CYTIP: variants seen among roughly 807,000 people sequenced by gnomAD.
The protein encoded by CYTIP is cytohesin-interacting protein.
CYTIP carries 26 observed loss-of-function variants against 43.8 expected under a neutral mutation model. The observed-to-expected ratio is 0.59, with a 90% CI of 0.44 to 0.82. The LOEUF is 0.82. Ranked by LOEUF, CYTIP falls within the 40% of genes least tolerant of loss-of-function variation. The pLI is 0.00. For synonymous variants in CYTIP, 162 were observed against 162.9 expected, an observed-to-expected ratio of 0.99 and a Z score of 0.04; for missense variants, 426 against 443.1, an observed-to-expected ratio of 0.96 and a Z score of 0.35.
intron 5 of CYTIP, among the ~76,000 whole-genome samples, chr2:157,428,748 A>G (rs545367051): frequency 2.8e-4 from 43 of 152,256 alleles, no homozygotes; most frequent in African/African-American, 9.6e-4. Context: ...TCTAGAGCAA[A>G]AGCACCTCAT....
chr2:157,442,047 A>G (rs1361514914), intron 1 of CYTIP, among the ~76,000 whole-genome samples: 2 of 152,092 alleles, frequency 1.3e-5, no homozygotes, highest in Non-Finnish European at 2.9e-5. Context: ...CACACTTAAT[A>G]TTGTGTTGTT....
intron 3 of CYTIP, among the ~76,000 whole-genome samples, chr2:157,433,939 G>C (rs1685752676): frequency 6.6e-6 from 1 of 152,142 alleles, no homozygotes; most frequent in Non-Finnish European, 1.5e-5. Context: ...TATATACACA[G>C]ATGTATAGTC....
chr2:157,425,021 A>G (rs950675272), intron 6 of CYTIP, among the ~76,000 whole-genome samples: 1 of 152,152 alleles, frequency 6.6e-6, no homozygotes, highest in African/African-American at 2.4e-5. Context: ...TTTTCCCCAT[A>G]CCTCATAATA....
At chr2:157,430,681 A>T in intron 4 of CYTIP, 29 bp from the exon 5 acceptor site, 1 of 1,597,030 alleles carries the variant, frequency 6.3e-7, no homozygotes, top group Non-Finnish European at 8.6e-7. Flanking sequence ...AATGAGTGTT[A>T]TGTTGGTTAG....
intron 5 of CYTIP, among the ~76,000 whole-genome samples, chr2:157,430,271 A>G (rs1051118782): frequency 2.6e-5 from 4 of 152,186 alleles, no homozygotes; most frequent in Admixed American, 2.6e-4. Flanking sequence ...AATGTGTGCC[A>G]GTTTAATTGA....
At chr2:157,430,227 T>C (rs921059800) in intron 5 of CYTIP, among the ~76,000 whole-genome samples, 14 of 152,100 alleles carry the variant, frequency 9.2e-5, no homozygotes, top group Non-Finnish European at 1.9e-4. Context: ...ATATCAACCA[T>C]GAAAATTGGA....
intron 7 of CYTIP, among the ~76,000 whole-genome samples, chr2:157,416,529 G>A (rs942043681): frequency 2.0e-5 from 3 of 152,076 alleles, no homozygotes; most frequent in East Asian, 3.9e-4. Context: ...CAGAAATGGG[G>A]TTCCATAGAA....
At chr2:157,436,062 C>G (rs964162666) in intron 1 of CYTIP, among the ~76,000 whole-genome samples, 1 of 152,168 alleles carries the variant, frequency 6.6e-6, no homozygotes, top group East Asian at 1.9e-4. Context: ...CTCTTCTTAC[C>G]AATTTGCTGT....
chr2:157,418,650 CA>C (rs1301117518), intron 6 of CYTIP, 61 bp from the exon 7 acceptor site: 24 of 1,422,104 alleles, frequency 1.7e-5, no homozygotes, highest in Non-Finnish European at 2.3e-5. Flanking sequence ...GTGAAGCTAG[CA>C]ATTTAATTCT....
At chr2:157,418,708 T>A in intron 6 of CYTIP, 119 bp from the exon 7 acceptor site, 1 of 807,042 alleles carries the variant, frequency 1.2e-6, no homozygotes, top group Non-Finnish European at 1.8e-6. Context: ...TTTCTAGTAC[T>A]ACCATTCCAT....
chr2:157,438,996 C>T lies in CYTIP; in HGVS notation c.175-4249G>A, dbSNP rs150314444. 9.5e-3 allele frequency: 3,820 copies of T among 403,758 alleles called. 43 individuals are homozygous for T. The highest frequency in any genetic ancestry group is 0.024 in the Middle Eastern group (67 of 2,846). The allele number at this position is 403,758 out of a possible 1,614,324, so 25.0% of individuals were successfully genotyped here. ...GATTCAAATGTAAAATCTTTTAAAC[C>T]ACAGGACAGACCTGAAGCCTCTATA... On this transcript the variant is annotated intron_variant, in intron 1 of 7. Transcript: ENST00000264192.
At chr2:157,429,453 A>T (rs922793849) in intron 5 of CYTIP, among the ~76,000 whole-genome samples, 7 of 152,176 alleles carry the variant, frequency 4.6e-5, no homozygotes, top group South Asian at 2.1e-4. Flanking sequence ...CACTTTTCTC[A>T]TAGTAGTTAT....
chr2:157,428,021 T>A (rs1042083532), intron 5 of CYTIP, among the ~76,000 whole-genome samples: 1 of 152,238 alleles, frequency 6.6e-6, no homozygotes, highest in African/African-American at 2.4e-5. Context: ...AACCTTCATA[T>A]GATTCTTTAT....
chr2:157,439,948 G>C (rs1558942370), intron 1 of CYTIP, among the ~76,000 whole-genome samples: 2 of 152,196 alleles, frequency 1.3e-5, no homozygotes, highest in African/African-American at 4.8e-5. Flanking sequence ...TGAAAGACAG[G>C]AGTACTTGGC....
At chr2:157,433,919 A>G (rs1473478754) in intron 3 of CYTIP, among the ~76,000 whole-genome samples, 1 of 152,230 alleles carries the variant, frequency 6.6e-6, no homozygotes, top group Non-Finnish European at 1.5e-5. Context: ...ATCCATGAAT[A>G]TATGCATTCT....
intron 7 of CYTIP, among the ~76,000 whole-genome samples, chr2:157,417,395 G>C (rs1685454094): frequency 6.6e-6 from 1 of 152,088 alleles, no homozygotes; most frequent in East Asian, 1.9e-4. Flanking sequence ...ATGACTTTAT[G>C]AGGATCCTGA....
chr2:157,429,884 A>G (rs1246234730), intron 5 of CYTIP, among the ~76,000 whole-genome samples: 2 of 151,988 alleles, frequency 1.3e-5, no homozygotes, highest in African/African-American at 4.8e-5. Flanking sequence ...TTAGCCGGGC[A>G]TGGTGGTGGG....
At chr2:157,422,572 A>G (rs2105134659) in intron 6 of CYTIP, among the ~76,000 whole-genome samples, 1 of 151,370 alleles carries the variant, frequency 6.6e-6, no homozygotes, top group East Asian at 2.0e-4. Flanking sequence ...CAGGAGGCTG[A>G]GGCAGGAGAA....
At chr2:157,433,772 T>C (rs1248250697) in intron 3 of CYTIP, among the ~76,000 whole-genome samples, 5 of 152,176 alleles carry the variant, frequency 3.3e-5, no homozygotes, top group Non-Finnish European at 7.4e-5. Context: ...TCCTACAGCA[T>C]GAGGCAATCT....
Sources: gnomAD v4.1 joint callset for allele counts (sites outside exome capture counted in the v4.1 genomes callset) on GRCh38, gnomAD v4.1.1 for gene constraint, MANE v1.5 for transcripts, NCBI Gene and HGNC (gene_info 2026-07-23, HGNC 2026-07-21) for gene names.